GPHN: variants seen among roughly 807,000 people sequenced by gnomAD.
GPHN encodes gephyrin.
GPHN carries 17 observed loss-of-function variants against 95.5 expected under a neutral mutation model. That is an observed-to-expected ratio of 0.18 (90% CI 0.12 to 0.27). The LOEUF (loss-of-function observed/expected upper bound fraction) is 0.27, where lower values mean the gene tolerates loss of function less well. Ranked by LOEUF, GPHN falls within the 10% of genes least tolerant of loss-of-function variation. GPHN has a pLI of 1.00. For missense variants in GPHN, 660 were observed against 978.1 expected, an observed-to-expected ratio of 0.67 and a Z score of 4.34; for synonymous variants, 320 against 322.5, an observed-to-expected ratio of 0.99 and a Z score of 0.08.
chr14:67,272,156 T>A, the GPHN span: 1 of 152,216 alleles, frequency 6.6e-6, no homozygotes, highest in African/African-American at 2.4e-5. Context: ...TCCTCTTTTT[T>A]AAATCTTTGA....
At chr14:67,342,232 A>C in the GPHN span, among the ~76,000 whole-genome samples, 2 of 151,072 alleles carry the variant, frequency 1.3e-5, no homozygotes, top group Non-Finnish European at 2.9e-5. Flanking sequence ...ATAAAAAAAA[A>C]CACAAAGAAA....
At chr14:67,485,230 G>A in the GPHN span, among the ~76,000 whole-genome samples, 1 of 152,184 alleles carries the variant, frequency 6.6e-6, no homozygotes, top group Non-Finnish European at 1.5e-5. Flanking sequence ...TCTGAGGAAC[G>A]ACGTTCCCAC....
At chr14:66,991,564 A>G (rs1461072223) in intron 9 of GPHN, among the ~76,000 whole-genome samples, 1 of 151,922 alleles carries the variant, frequency 6.6e-6, no homozygotes, top group Non-Finnish European at 1.5e-5. Flanking sequence ...CTTGTTTCTA[A>G]AAATATTAAA....
the GPHN span, among the ~76,000 whole-genome samples, chr14:67,531,744 A>ATTTTT: frequency 7.6e-6 from 1 of 131,148 alleles, no homozygotes. Flanking sequence ...AAAAAAAAAA[A>ATTTTT]TTTTTTTTTT....
At chr14:67,424,173 G>C in the GPHN span, among the ~76,000 whole-genome samples, 1 of 152,144 alleles carries the variant, frequency 6.6e-6, no homozygotes, top group Non-Finnish European at 1.5e-5. Context: ...CCGGGAGACG[G>C]AGTTTGTGGT....
At chr14:67,032,817 A>T (rs946226749) in intron 10 of GPHN, among the ~76,000 whole-genome samples, 8 of 152,208 alleles carry the variant, frequency 5.3e-5, no homozygotes, top group Admixed American at 3.3e-4. Flanking sequence ...ATTGGGAGAC[A>T]TGGCTGTTTC....
chr14:67,029,431 G>A (rs751086643), intron 10 of GPHN, among the ~76,000 whole-genome samples: 19 of 151,320 alleles, frequency 1.3e-4, no homozygotes, highest in Middle Eastern at 3.4e-3. Context: ...TCTACTTCCC[G>A]GATTCAAGTG....
At chr14:67,546,857 T>A in the GPHN span, among the ~76,000 whole-genome samples, 1 of 152,200 alleles carries the variant, frequency 6.6e-6, no homozygotes, top group East Asian at 1.9e-4. Flanking sequence ...AGCAAAATCC[T>A]GTCTCAAAGG....
the GPHN span, among the ~76,000 whole-genome samples, chr14:67,225,701 C>T: frequency 2.0e-5 from 3 of 152,142 alleles, no homozygotes; most frequent in Non-Finnish European, 4.4e-5. Flanking sequence ...ACACACCATA[C>T]ACACTGTAGT....
intron 4 of GPHN, among the ~76,000 whole-genome samples, chr14:66,840,809 G>C (rs1401558457): frequency 1.3e-5 from 2 of 149,524 alleles, no homozygotes; most frequent in African/African-American, 2.5e-5. Context: ...CCCTGTTTTA[G>C]AACATTCCTA....
intron 2 of GPHN, among the ~76,000 whole-genome samples, chr14:66,697,982 C>A (rs2068227368): frequency 6.6e-6 from 1 of 152,062 alleles, no homozygotes; most frequent in Admixed American, 6.6e-5. Flanking sequence ...CCACTGTGCC[C>A]AGCCTGCTGC....
the GPHN span, chr14:67,198,209 T>A: frequency 6.2e-7 from 1 of 1,613,818 alleles, no homozygotes; most frequent in African/African-American, 1.3e-5. Context: ...ATAAGCAAGA[T>A]GCTCTCTGCA....
chr14:66,700,346 A>G (rs762508387), intron 2 of GPHN, among the ~76,000 whole-genome samples: 2 of 152,198 alleles, frequency 1.3e-5, no homozygotes, highest in South Asian at 2.1e-4. Context: ...ACTGTGTGAG[A>G]GAAGTAAAAT....
chr14:66,860,351 G>T (rs1038513160), intron 4 of GPHN, among the ~76,000 whole-genome samples: 10 of 152,004 alleles, frequency 6.6e-5, no homozygotes, highest in Non-Finnish European at 1.5e-4. Context: ...AAAAAGTTTT[G>T]CTCTAGAACA....
intron 2 of GPHN, among the ~76,000 whole-genome samples, chr14:66,693,303 A>G (rs2067903199): frequency 6.6e-6 from 1 of 152,228 alleles, no homozygotes; most frequent in African/African-American, 2.4e-5. Context: ...AACTTTTTCT[A>G]ATGAATATGG....
chr14:66,737,467 A>T (rs1273525438), intron 2 of GPHN, among the ~76,000 whole-genome samples: 1 of 151,940 alleles, frequency 6.6e-6, no homozygotes, highest in Non-Finnish European at 1.5e-5. Flanking sequence ...ATTCTACCCA[A>T]TCCAAGGTAG....
chr14:67,033,932 A>G (rs2074302363), intron 10 of GPHN, among the ~76,000 whole-genome samples: 1 of 152,212 alleles, frequency 6.6e-6, no homozygotes, highest in Non-Finnish European at 1.5e-5. Context: ...AAAGTGCTGA[A>G]GGAACAAAAT....
intron 4 of GPHN, among the ~76,000 whole-genome samples, chr14:66,879,127 T>C (rs1488992765): frequency 2.0e-5 from 3 of 152,074 alleles, no homozygotes; most frequent in African/African-American, 7.2e-5. Flanking sequence ...AAACACTACA[T>C]GTTCTCACTC....
the GPHN span, among the ~76,000 whole-genome samples, chr14:67,422,549 C>A: frequency 6.6e-6 from 1 of 152,242 alleles, no homozygotes; most frequent in Non-Finnish European, 1.5e-5. Context: ...GAGGCCTGTC[C>A]ACCACAGATC....
Sources: gnomAD v4.1 joint callset for allele counts (sites outside exome capture counted in the v4.1 genomes callset) on GRCh38, gnomAD v4.1.1 for gene constraint, MANE v1.5 for transcripts, NCBI Gene and HGNC (gene_info 2026-07-23, HGNC 2026-07-21) for gene names.